Variants in PPP3CC observed in about 807,000 individuals in gnomAD.
The protein encoded by PPP3CC is protein phosphatase 3 catalytic subunit gamma.
In PPP3CC, 35 loss-of-function variants were observed where a neutral mutation model predicts 60.3. The observed-to-expected ratio is 0.58, with a 90% CI of 0.44 to 0.77. The LOEUF is 0.77. Ranked by LOEUF, PPP3CC falls within the 30% of genes least tolerant of loss-of-function variation. The pLI is 0.00. For synonymous variants in PPP3CC, 206 were observed against 224.3 expected, an observed-to-expected ratio of 0.92 and a Z score of 0.73; for missense variants, 570 against 628.9, an observed-to-expected ratio of 0.91 and a Z score of 1.00.
chr8:22,522,261 C>T (rs2117119656), intron 6 of PPP3CC, among the ~76,000 whole-genome samples: 1 of 151,910 alleles, frequency 6.6e-6, no homozygotes, highest in South Asian at 2.1e-4. Flanking sequence ...TGGAGGAGCT[C>T]TTTCTATTGT....
intron 11 of PPP3CC, among the ~76,000 whole-genome samples, chr8:22,532,508 T>C (rs968195300): frequency 6.6e-6 from 1 of 152,220 alleles, no homozygotes; most frequent in African/African-American, 2.4e-5. Context: ...ATGTAGTGAA[T>C]GTAGTGGTTT....
rs183298921 is a variant in PPP3CC at position 22,456,807 on chromosome 8, G to A, written c.49+15349G>A. On this transcript the variant is annotated intron_variant, in intron 1 of 13. Transcript: ENST00000240139. ...TAGTTTGGCTATTGTTTTTAATCAT[G>A]TGCAAACCTGGTTTGATTAAGGTTT... Among the ~76,000 whole-genome samples, 343 of 152,262 alleles carry A rather than the reference G, an allele frequency of 2.3e-3. 2 individuals are homozygous for A. Among genetic ancestry groups the A allele is most frequent in the African/African-American group, 7.8e-3 (326 of 41,550 alleles).
Position 22,462,915 on chromosome 8 carries a change from T to C in PPP3CC, c.50-12039T>C, listed in dbSNP as rs540860270. 1.8e-4 allele frequency among the ~76,000 whole-genome samples: 28 copies of C among 152,328 alleles called. No homozygotes were observed. In the South Asian group the frequency reaches 5.8e-3, roughly 32 times the overall value. ...CAACACACTGAAACTCAGACAGTTA[T>C]TATTAAAGTTTAAAATAATGTCCCA... On this transcript the variant is annotated intron_variant, in intron 1 of 13. Transcript: ENST00000240139.
intron 1 of PPP3CC, among the ~76,000 whole-genome samples, chr8:22,450,799 TTTTA>T (rs199665510): frequency 0.31 from 41,133 of 132,826 alleles, 6,344 homozygotes; most frequent in Non-Finnish European, 0.33. Flanking sequence ...CCTACTTTAT[TTTTA>T]TTTATTTATT....
At chr8:22,473,085 A>G (rs1333755469) in intron 1 of PPP3CC, among the ~76,000 whole-genome samples, 2 of 152,224 alleles carry the variant, frequency 1.3e-5, no homozygotes, top group African/African-American at 2.4e-5. Flanking sequence ...AGCTGAAAGC[A>G]TGACGAAACT....
chr8:22,472,363 A>AACAC (rs71546810), intron 1 of PPP3CC, among the ~76,000 whole-genome samples: 5,275 of 125,622 alleles, frequency 0.042, 153 homozygotes, highest in East Asian at 0.061. Flanking sequence ...GGTAAAAATG[A>AACAC]ACACACACAC....
Position 22,475,498 on chromosome 8 carries a change from A to T in PPP3CC, c.248-2A>T, listed in dbSNP as rs1240091160. ...CACATCACTTTATGCTTTTTTTCCT[A>T]GTATGTGGTGATATTCATGGACAAT... is the stretch of plus-strand genomic sequence containing the variant. On this transcript the variant is annotated splice_acceptor_variant, in intron 2 of 13. Transcript: ENST00000240139. LOFTEE classifies it high-confidence loss of function. 6.2e-7 allele frequency: 1 copy of T among 1,606,734 alleles called. No homozygotes were observed. Among genetic ancestry groups the T allele is most frequent in the South Asian group, 1.1e-5 (1 of 89,766 alleles).
At chr8:22,472,059 G>A (rs1375535626) in intron 1 of PPP3CC, among the ~76,000 whole-genome samples, 1 of 151,992 alleles carries the variant, frequency 6.6e-6, no homozygotes, top group African/African-American at 2.4e-5. Context: ...GAGCCAGGAG[G>A]TTGAAGGTGC....
intron 6 of PPP3CC, among the ~76,000 whole-genome samples, chr8:22,518,025 A>T (rs1839299051): frequency 1.3e-5 from 2 of 150,524 alleles, no homozygotes; most frequent in Admixed American, 6.6e-5. Flanking sequence ...GCTGCATCCC[A>T]TACATTTTGA....
rs1471150427 is a variant in PPP3CC at position 22,483,330 on chromosome 8, A to G, written c.372+7706A>G. On this transcript the variant is annotated intron_variant, in intron 3 of 13. Transcript: ENST00000240139. ...GACACGGAGTCTCGCTGTGTTGCCC[A>G]GGCTGGAGTGCAGTGGCGCAATCTC... Among the ~76,000 whole-genome samples, 5 of 152,204 alleles carry G rather than the reference A, an allele frequency of 3.3e-5. No homozygotes were observed. In the South Asian group the frequency reaches 6.2e-4, roughly 19 times the overall value.
intron 1 of PPP3CC, among the ~76,000 whole-genome samples, chr8:22,462,105 G>A (rs1837379254): frequency 6.6e-6 from 1 of 152,104 alleles, no homozygotes; most frequent in Non-Finnish European, 1.5e-5. Context: ...TTAACTGAGT[G>A]TGGTGGCACA....
rs181927606 is a variant in PPP3CC at position 22,446,057 on chromosome 8, A to G, written c.49+4599A>G. 9.2e-5 allele frequency among the ~76,000 whole-genome samples: 14 copies of G among 152,242 alleles called. 1 individual carries two copies. The highest frequency in any genetic ancestry group is 3.4e-4 in the African/African-American group (14 of 41,540). On this transcript the variant is annotated intron_variant, in intron 1 of 13. Transcript: ENST00000240139. ...TTGATAATTAAGCTTTCTCTCTTTTATTGCATTTTAAAATAGGATTAAAAA... is the reference window on the plus strand; with the variant it reads ...TTGATAATTAAGCTTTCTCTCTTTTGTTGCATTTTAAAATAGGATTAAAAA...
At chr8:22,462,300 C>T (rs1204241835) in intron 1 of PPP3CC, among the ~76,000 whole-genome samples, 2 of 151,988 alleles carry the variant, frequency 1.3e-5, no homozygotes. Context: ...CAGTACATTG[C>T]GGTTTGGTTT....
intron 4 of PPP3CC, among the ~76,000 whole-genome samples, chr8:22,499,855 T>C (rs1838711475): frequency 6.6e-6 from 1 of 152,254 alleles, no homozygotes; most frequent in Admixed American, 6.5e-5. Context: ...ATACCCTGTT[T>C]CTTTTCATAG....
At chr8:22,526,013 G>C (rs1194722794) in intron 8 of PPP3CC, among the ~76,000 whole-genome samples, 1 of 151,376 alleles carries the variant, frequency 6.6e-6, no homozygotes, top group Non-Finnish European at 1.5e-5. Flanking sequence ...GACTACAGGT[G>C]CACGTCGCCA....
At chr8:22,512,502 A>G (rs1368360858) in intron 5 of PPP3CC, among the ~76,000 whole-genome samples, 5 of 152,130 alleles carry the variant, frequency 3.3e-5, no homozygotes, top group African/African-American at 9.6e-5. Flanking sequence ...ATAGACTGGA[A>G]AGGATAAATG....
intron 1 of PPP3CC, among the ~76,000 whole-genome samples, chr8:22,450,542 C>T (rs115035190): frequency 1.2e-4 from 19 of 152,302 alleles, no homozygotes; most frequent in African/African-American, 4.6e-4. Context: ...ATATCCTCTA[C>T]TTCATCCTAT....
At chr8:22,514,266 AAAAAAGG>A (rs1390344544) in intron 6 of PPP3CC, among the ~76,000 whole-genome samples, 4 of 151,694 alleles carry the variant, frequency 2.6e-5, no homozygotes, top group Non-Finnish European at 2.9e-5. Flanking sequence ...AAAAAAAAAA[AAAAAAGG>A]AAGACATAAG....
rs369364638 is a variant in PPP3CC at position 22,462,608 on chromosome 8, T to G, written c.50-12346T>G. Reference sequence around the variant, plus strand: ...TTTTTTGAGACGGAGTCTTGCTCTGTTGCCCAGGCTGGAGTGCGGTGGCAC... The same window carrying G: ...TTTTTTGAGACGGAGTCTTGCTCTGGTGCCCAGGCTGGAGTGCGGTGGCAC... On this transcript the variant is annotated intron_variant, in intron 1 of 13. Coordinates refer to ENST00000240139, the MANE Select transcript of PPP3CC (RefSeq NM_005605.5). Among the ~76,000 whole-genome samples, 891 of 151,916 alleles carry G rather than the reference T, an allele frequency of 5.9e-3. 12 individuals are homozygous for G. The highest frequency in any genetic ancestry group is 0.021 in the African/African-American group (857 of 41,394).
Sources: gnomAD v4.1 joint callset for allele counts (sites outside exome capture counted in the v4.1 genomes callset) on GRCh38, gnomAD v4.1.1 for gene constraint, MANE v1.5 for transcripts, NCBI Gene and HGNC (gene_info 2026-07-23, HGNC 2026-07-21) for gene names.